Variants in TRPT1 observed in about 807,000 individuals in gnomAD.
TRPT1 encodes tRNA 2'-phosphotransferase 1.
A neutral mutation model predicts 28.4 loss-of-function variants in TRPT1; 22 were observed. The observed-to-expected ratio is 0.78, with a 90% CI of 0.55 to 1.11. The LOEUF (loss-of-function observed/expected upper bound fraction) is 1.11. Among genes scored for constraint, TRPT1 ranks in the 50% least tolerant of loss-of-function variants. TRPT1 has a pLI of 0.00. For synonymous variants in TRPT1, 137 were observed against 132.4 expected, an observed-to-expected ratio of 1.03 and a Z score of -0.24; for missense variants, 308 against 317.7, an observed-to-expected ratio of 0.97 and a Z score of 0.23.
intron 3 of TRPT1, 90 bp downstream of exon 3, chr11:64,225,409 G>T: frequency 9.2e-7 from 1 of 1,089,902 alleles, no homozygotes; most frequent in South Asian, 1.4e-5. Flanking sequence ...CTTCCTCAGG[G>T]AGCGGTGGAG....
rs757650003 is a variant in TRPT1, at chr11:64,224,195, A to G, written c.575T>C (p.Phe192Ser). 6.2e-7 allele frequency: 1 copy of G among 1,610,978 alleles called. No homozygotes were observed. Among genetic ancestry groups the G allele is most frequent in the African/African-American group, 1.3e-5 (1 of 75,006 alleles). The change falls in exon 7 of 8, where the codon TTC (phenylalanine) becomes TCC (serine). Residue 192 changes from phenylalanine (F) to serine (S), a missense_variant. Physicochemically the swap from Phe to Ser is radical, Grantham distance 155. Transcript: ENST00000317459. The stretch of plus-strand genomic sequence containing the variant: ...CAGAATCACCCCATTGGCAGAGCGG[A>G]AGAAGGGTATTCCATCTGCTGACAG... ...PLALADGIPFFRSANGVILTP... is the reference protein window; with the variant it reads ...PLALADGIPFSRSANGVILTP...
chr11:64,225,148 G>T (rs1946908929), intron 3 of TRPT1, 178 bp from the exon 4 acceptor site: 1 of 719,066 alleles, frequency 1.4e-6, no homozygotes, highest in African/African-American at 1.8e-5. Flanking sequence ...CATAAAAAGA[G>T]GATCTGCCTC....
chr11:64,223,983 G>A lies in TRPT1; in HGVS notation c.671-16C>T. On this transcript the variant is annotated splice_polypyrimidine_tract_variant and intron_variant, in intron 7 of 7. Coordinates refer to ENST00000317459, the MANE Select transcript of TRPT1 (RefSeq NM_001033678.4). The stretch of plus-strand genomic sequence containing the variant: ...AGGGGCTTTCCTGATAAAGACAAGA[G>A]TTGGTTAGAGAAAGGGACACCTAAG... 1.2e-6 allele frequency: 2 copies of A among 1,609,680 alleles called. No homozygotes were observed. Among genetic ancestry groups the A allele is most frequent in the Non-Finnish European group, 8.5e-7 (1 of 1,177,186 alleles).
Position 64,225,230 on chromosome 11 carries a change from C to G in TRPT1, c.158-260G>C, listed in dbSNP as rs577743805. On this transcript the variant is annotated intron_variant, in intron 3 of 7. Transcript: ENST00000317459. Reference sequence around the variant, plus strand: ...TGCACACTCACACCACCAGCTGCACCGTATCCTCCAGGGCTCGCCCTCGGG... The same window carrying G: ...TGCACACTCACACCACCAGCTGCACGGTATCCTCCAGGGCTCGCCCTCGGG... 2.0e-5 allele frequency: 12 copies of G among 611,220 alleles called. No homozygotes were observed. In the Admixed American group the frequency reaches 2.7e-4, roughly 14 times the overall value. The allele number at this position is 611,220 out of a possible 1,614,324, so 37.9% of individuals were successfully genotyped here. A position where few individuals can be genotyped will look rare whatever the true frequency, so the allele number is the denominator to read the frequency against.
rs774565144 is a variant in TRPT1, at chr11:64,224,597, T to C, written c.448A>G (p.Arg150Gly). 3 of 1,598,924 alleles carry C rather than the reference T, an allele frequency of 1.9e-6. No homozygotes were observed. In the African/African-American group the frequency reaches 4.0e-5, roughly 21 times the overall value. ...ILLKGLSCQG[R>G]THIHLAPGLP... ...CCTGGGGCCAGGTGAATGTGCGTCCTTCCCTGGCAGGACAGGCCTTTGAGT... is the reference window on the plus strand; with the variant it reads ...CCTGGGGCCAGGTGAATGTGCGTCCCTCCCTGGCAGGACAGGCCTTTGAGT... Residue 150 changes from arginine (R) to glycine (G), a missense_variant, in exon 5 of 8, where the codon AGG (arginine) becomes GGG (glycine). Arg to Gly is a moderately radical substitution (Grantham distance 125). Coordinates refer to ENST00000317459, the MANE Select transcript of TRPT1 (RefSeq NM_001033678.4).
rs774682007 is a variant in TRPT1, at chr11:64,223,849, A to T, written c.*27T>A. On this transcript the variant is annotated 3_prime_UTR_variant, in exon 8 of 8. Coordinates refer to ENST00000317459, the MANE Select transcript of TRPT1 (RefSeq NM_001033678.4). ...AACGAGTTCTTTCTTGTTACTTTTTAAAATTTCTTTTTTATAAATTAATAT... is the reference window on the plus strand; with the variant it reads ...AACGAGTTCTTTCTTGTTACTTTTTTAAATTTCTTTTTTATAAATTAATAT... 1 of 1,461,284 alleles carries T rather than the reference A, an allele frequency of 6.8e-7. No individual in the cohort carries two copies. Among genetic ancestry groups the T allele is most frequent in the South Asian group, 1.3e-5 (1 of 77,772 alleles). 90.5% of individuals were successfully genotyped at this position (1,461,284 alleles called of 1,614,324 possible). A position where few individuals can be genotyped will look rare whatever the true frequency, so the allele number is the denominator to read the frequency against.
At position 64,224,836 on chromosome 11, in the gene TRPT1, G is replaced by C. The variant is rs117480910; in HGVS notation, c.292C>G (p.Leu98Val). 6.2e-6 allele frequency: 10 copies of C among 1,613,718 alleles called. No homozygotes were observed. Among genetic ancestry groups the C allele is most frequent in the Non-Finnish European group, 8.5e-6 (10 of 1,179,994 alleles). The stretch of plus-strand genomic sequence containing the variant: ...TGGCCCTGGTTGGCCCGGATGAGAA[G>C]GCCAGTGCTGGGATCCCCCAGCTGC... ...ALQLGDPSTG[L>V]LIRANQGHSL... is the part of the protein sequence containing the mutation. Residue 98 changes from leucine (L) to valine (V), a missense_variant, in exon 4 of 8, where the codon CTT becomes GTT. By Grantham distance (32) the Leu-to-Val change is conservative (BLOSUM62 1). Transcript: ENST00000317459.
rs1482029889 is a variant in TRPT1 at position 64,223,925 on chromosome 11, T to G, written c.713A>C (p.Gln238Pro). Reference sequence around the variant, plus strand: ...TCTGGAGCTGTGCTTGGGGCTACTCTGACACTCTGTCTCTTCATCACCAGC... The same window carrying G: ...TCTGGAGCTGTGCTTGGGGCTACTCGGACACTCTGTCTCTTCATCACCAGC... The part of the protein sequence containing the change: ...SLAGDEETEC[Q>P]SSPKHSSRER... The change falls in exon 8 of 8, where the codon CAG (glutamine) becomes CCG (proline). Residue 238 changes from glutamine to proline, a missense_variant. Coordinates refer to ENST00000317459, the MANE Select transcript of TRPT1 (RefSeq NM_001033678.4). The G allele has an allele frequency of 6.2e-7, 1 of 1,614,038 alleles. No individual in the cohort carries two copies. Among genetic ancestry groups the G allele is most frequent in the Non-Finnish European group, 8.5e-7 (1 of 1,179,896 alleles).
At chr11:64,225,949 C>T (rs868730328) in intron 1 of TRPT1, 80 bp from the exon 2 acceptor site, 60 of 844,760 alleles carry the variant, frequency 7.1e-5, no homozygotes, top group South Asian at 5.0e-4. Context: ...CACAAAGCCT[C>T]AGGAAGTGAG....
chr11:64,225,755 T>C, intron 2 of TRPT1, 31 bp downstream of exon 2: 1 of 1,513,866 alleles, frequency 6.6e-7, no homozygotes, highest in Non-Finnish European at 9.0e-7. Context: ...GAGCCTGGAC[T>C]GGTGGGAGGG....
At chr11:64,225,446 A>G in intron 3 of TRPT1, 53 bp downstream of exon 3, 1 of 1,499,836 alleles carries the variant, frequency 6.7e-7, no homozygotes. Flanking sequence ...AGTCGCAGAC[A>G]GGCTCACGTT....
intron 5 of TRPT1, 72 bp from the exon 6 acceptor site, chr11:64,224,413 G>A: frequency 6.2e-7 from 1 of 1,606,938 alleles, no homozygotes. Flanking sequence ...CTGGGGTCCT[G>A]GGCTGGGGGA....
At position 64,224,285 on chromosome 11, in the gene TRPT1, C is replaced by G. The variant is rs754581611; in HGVS notation, c.559G>C (p.Asp187His). 1 of 1,613,906 alleles carries G rather than the reference C, an allele frequency of 6.2e-7. No homozygotes were observed. ...VFIDGPLALA[D>H]GIPFFRSANG... ...CAGCTCCTGCTTTGTCCAGACTCAC[C>G]TGCCAGAGCCAGGGGTCCATCGATG... is the stretch of plus-strand genomic sequence containing the variant. Residue 187 changes from aspartate (D) to histidine (H), a missense_variant and splice_region_variant, in exon 6 of 8, where the codon GAT becomes CAT. Asp to His is a moderately conservative substitution (Grantham distance 81). Transcript: ENST00000317459.
chr11:64,225,332 C>T, intron 3 of TRPT1, 167 bp downstream of exon 3: 3 of 641,102 alleles, frequency 4.7e-6, no homozygotes, highest in South Asian at 3.9e-5. Context: ...CCTCAGTCTG[C>T]TGTGGACATG....
chr11:64,224,400 AGACTGGGGTCCTG>A, intron 5 of TRPT1, 59 bp from the exon 6 acceptor site: 2 of 1,607,350 alleles, frequency 1.2e-6, no homozygotes, highest in Non-Finnish European at 1.7e-6. Flanking sequence ...CAACCTAGGC[AGACTGGGGTCCTG>A]GGCTGGGGGA....
chr11:64,224,494 G>C, intron 5 of TRPT1, 49 bp downstream of exon 5: 1 of 1,571,650 alleles, frequency 6.4e-7, no homozygotes, highest in Non-Finnish European at 8.7e-7. Context: ...AAGGGGACCT[G>C]GGAGGACAGA....
In TRPT1 at chr11:64,224,349, GAC is replaced by G. The variant is rs1946831661; in HGVS notation, c.503-10_503-9del. The G allele has an allele frequency of 6.2e-7, 1 of 1,613,616 alleles. No individual in the cohort carries two copies. Among genetic ancestry groups the G allele is most frequent in the Admixed American group, 1.7e-5 (1 of 60,022 alleles). On this transcript the variant is annotated splice_polypyrimidine_tract_variant and intron_variant, in intron 5 of 7. Coordinates refer to ENST00000317459, the MANE Select transcript of TRPT1 (RefSeq NM_001033678.4). ...CACAATGGGACCGCATGCCTGCAGAGACAGCTGGAGCTGAGGCCTGGGCACCT... is the reference window on the plus strand; with the variant it reads ...CACAATGGGACCGCATGCCTGCAGAGAGCTGGAGCTGAGGCCTGGGCACCT...
Position 64,225,987 on chromosome 11 carries a change from A to G in TRPT1, c.-10+63T>C, listed in dbSNP as rs1946992824. On this transcript the variant is annotated intron_variant, in intron 1 of 7. Coordinates refer to ENST00000317459, the MANE Select transcript of TRPT1 (RefSeq NM_001033678.4). ...CTGGGTGGGAGTATACGGCTCATTA[A>G]GTTCACCACCCCCAAGTCCCTGCTG... The G allele has an allele frequency of 4.6e-6, 3 of 648,258 alleles. No homozygotes were observed. The South Asian group carries it at 5.3e-5, about 11-fold the overall frequency. 40.2% of individuals were successfully genotyped at this position (648,258 alleles called of 1,614,324 possible). A position where few individuals can be genotyped will look rare whatever the true frequency, so the allele number is the denominator to read the frequency against.
Position 64,225,764 on chromosome 11 carries a change from GGGGT to G in TRPT1, c.75+18_75+21del. On this transcript the variant is annotated intron_variant, in intron 2 of 7. Transcript: ENST00000317459. ...CCCAGGGAGCCTGGACTGGTGGGAGGGGGTGGGGAGGAGGCGCGCACCTGTTCTC... is the reference window on the plus strand; with the variant it reads ...CCCAGGGAGCCTGGACTGGTGGGAGGGGGGAGGAGGCGCGCACCTGTTCTC... 4 of 1,531,868 alleles carry G rather than the reference GGGGT, an allele frequency of 2.6e-6. No homozygotes were observed. Among genetic ancestry groups the G allele is most frequent in the Non-Finnish European group, 3.5e-6 (4 of 1,131,796 alleles). The allele number at this position is 1,531,868 out of a possible 1,614,324, so 94.9% of individuals were successfully genotyped here.
Sources: gnomAD v4.1 joint callset for allele counts on GRCh38, gnomAD v4.1.1 for gene constraint, MANE v1.5 for transcripts, NCBI Gene and HGNC (gene_info 2026-07-23, HGNC 2026-07-21) for gene names.